The following ST6GALNAC5 variants were observed in gnomAD, a reference collection of about 807,000 sequenced individuals.
ST6GALNAC5 encodes alpha-N-acetylgalactosaminide alpha-2,6-sialyltransferase 5.
A neutral mutation model predicts 33.6 loss-of-function variants in ST6GALNAC5; 27 were observed. The ratio of observed to expected loss-of-function variants is 0.80; its 90% CI spans 0.59 to 1.11. The LOEUF (loss-of-function observed/expected upper bound fraction) is 1.11, where lower values mean the gene tolerates loss of function less well. ST6GALNAC5 is among the 50% of genes least tolerant of loss of function. The pLI is 0.00. For synonymous variants in ST6GALNAC5, 194 were observed against 171.2 expected, an observed-to-expected ratio of 1.13 and a Z score of -1.04; for missense variants, 428 against 454.0, an observed-to-expected ratio of 0.94 and a Z score of 0.52.
chr1:76,871,481 T>G (rs1653501499), intron 2 of ST6GALNAC5: 1 of 152,234 alleles, frequency 6.6e-6, no homozygotes, highest in Non-Finnish European at 1.5e-5. Flanking sequence ...AGTTACATGA[T>G]GTTGTTAACA....
At chr1:76,989,877 C>T (rs1278456573) in intron 2 of ST6GALNAC5, among the ~76,000 whole-genome samples, 1 of 152,148 alleles carries the variant, frequency 6.6e-6, no homozygotes, top group Non-Finnish European at 1.5e-5. Flanking sequence ...ACATACCCAT[C>T]ACTTGCGGGA....
Position 77,003,817 on chromosome 1 carries a change from G to T in ST6GALNAC5, c.262-40387G>T, listed in dbSNP as rs1650274020. On this transcript the variant is annotated intron_variant, in intron 2 of 4. Coordinates refer to ENST00000477717, the MANE Select transcript of ST6GALNAC5 (RefSeq NM_030965.3). The stretch of plus-strand genomic sequence containing the variant: ...TTTTCTTTAAGAATGTTGAATATTG[G>T]CCCCCACTCTCTTCTGGCTTGTAGG... Among the ~76,000 whole-genome samples, 2 of 148,762 alleles carry T rather than the reference G, an allele frequency of 1.3e-5. 1 individual carries two copies. Among genetic ancestry groups the T allele is most frequent in the South Asian group, 4.5e-4 (2 of 4,446 alleles).
chr1:76,940,409 C>A (rs1247680150), intron 2 of ST6GALNAC5, among the ~76,000 whole-genome samples: 1 of 152,056 alleles, frequency 6.6e-6, no homozygotes, highest in Non-Finnish European at 1.5e-5. Flanking sequence ...GGAGCACTGG[C>A]GTGGTACTTG....
intron 2 of ST6GALNAC5, among the ~76,000 whole-genome samples, chr1:76,913,066 C>A (rs539932640): frequency 6.6e-6 from 1 of 152,224 alleles, no homozygotes; most frequent in African/African-American, 2.4e-5. Context: ...CCGTTTGTTC[C>A]TTTCCATGTT....
chr1:77,005,731 A>T (rs562366403), intron 2 of ST6GALNAC5, among the ~76,000 whole-genome samples: 1 of 152,310 alleles, frequency 6.6e-6, no homozygotes, highest in African/African-American at 2.4e-5. Flanking sequence ...AGCCCTTGGT[A>T]ACCACTATTC....
chr1:77,060,329 G>A (rs754406712), intron 4 of ST6GALNAC5: 13 of 152,146 alleles, frequency 8.5e-5, no homozygotes, highest in Non-Finnish European at 1.6e-4. Context: ...AAATTCCGCT[G>A]AGGTTTATTG....
chr1:76,999,274 T>C (rs1650053351), intron 2 of ST6GALNAC5, among the ~76,000 whole-genome samples: 1 of 152,208 alleles, frequency 6.6e-6, no homozygotes, highest in African/African-American at 2.4e-5. Flanking sequence ...ATCCTTTAAA[T>C]GGCCAATATC....
intron 2 of ST6GALNAC5, among the ~76,000 whole-genome samples, chr1:77,004,311 C>T (rs1396688664): frequency 6.8e-5 from 10 of 146,970 alleles, no homozygotes; most frequent in Non-Finnish European, 1.2e-4. Flanking sequence ...GCATTCTTCA[C>T]GTAGTTCTCG....
At chr1:76,943,067 C>G (rs1252595) in intron 2 of ST6GALNAC5, among the ~76,000 whole-genome samples, 86,598 of 151,868 alleles carry the variant, frequency 0.57, 24,915 homozygotes, top group South Asian at 0.61. Flanking sequence ...TTCTTACAGG[C>G]AACTTTTGTC....
chr1:77,067,367 T>C lies in ST6GALNAC5; in HGVS notation c.*4161T>C, dbSNP rs1652813885. 1.3e-5 allele frequency among the ~76,000 whole-genome samples: 2 copies of C among 152,176 alleles called. No homozygotes were observed. The highest frequency in any genetic ancestry group is 6.5e-5 in the Admixed American group (1 of 15,280). The stretch of plus-strand genomic sequence containing the variant: ...TTCTTTCTACTCAGTGCCCTAATAT[T>C]ATATACTACCTTGAATTGTGCTTCG... On this transcript the variant is annotated 3_prime_UTR_variant, in exon 5 of 5. Transcript: ENST00000477717.
chr1:77,042,516 G>A (rs1651864700), intron 2 of ST6GALNAC5, among the ~76,000 whole-genome samples: 2 of 152,192 alleles, frequency 1.3e-5, no homozygotes, highest in South Asian at 2.1e-4. Context: ...CATAAGCCCT[G>A]CATCAATTAT....
At chr1:77,023,034 A>T (rs925003437) in intron 2 of ST6GALNAC5, among the ~76,000 whole-genome samples, 3 of 152,224 alleles carry the variant, frequency 2.0e-5, no homozygotes, top group African/African-American at 4.8e-5. Context: ...CCCTAATTCA[A>T]TATGACTGGT....
In ST6GALNAC5 at chr1:76,888,672, T is replaced by C. The variant is rs116818201; in HGVS notation, c.261+19930T>C. ...ATTTTTTCCCCTTCTTCTTATTCCA[T>C]TTTTAGCCTGTATTAGTTTAAAAAT... On this transcript the variant is annotated intron_variant, in intron 2 of 4. Transcript: ENST00000477717. Among the ~76,000 whole-genome samples, 490 of 152,250 alleles carry C rather than the reference T, an allele frequency of 3.2e-3. 2 individuals are homozygous for C. Among genetic ancestry groups the C allele is most frequent in the African/African-American group, 0.011 (457 of 41,544 alleles).
At position 77,063,351 on chromosome 1, in the gene ST6GALNAC5, T is replaced by G. The variant is rs1228976479; in HGVS notation, c.*145T>G. 1 of 694,740 alleles carries G rather than the reference T, an allele frequency of 1.4e-6. No individual in the cohort carries two copies. The highest frequency in any genetic ancestry group is 2.4e-6 in the Non-Finnish European group (1 of 417,200). The allele number at this position is 694,740 out of a possible 1,614,324, so 43.0% of individuals were successfully genotyped here. ...ACCATGGACAGACGCCTACCAGGGG[T>G]GACAAAGCAGTGCAGTTGGATTGTA... On this transcript the variant is annotated 3_prime_UTR_variant, in exon 5 of 5. Coordinates refer to ENST00000477717, the MANE Select transcript of ST6GALNAC5 (RefSeq NM_030965.3).
At chr1:76,982,912 AG>A (rs955602872) in intron 2 of ST6GALNAC5, among the ~76,000 whole-genome samples, 8 of 152,004 alleles carry the variant, frequency 5.3e-5, no homozygotes, top group Admixed American at 2.0e-4. Context: ...AGCCAAACAA[AG>A]CTTCATACGT....
chr1:76,976,667 C>A (rs1277461508), intron 2 of ST6GALNAC5, among the ~76,000 whole-genome samples: 1 of 152,066 alleles, frequency 6.6e-6, no homozygotes, highest in African/African-American at 2.4e-5. Context: ...TCTATTTTAT[C>A]TAGGTTTTGT....
At chr1:76,962,607 TG>T (rs1213306183) in intron 2 of ST6GALNAC5, among the ~76,000 whole-genome samples, 5 of 152,226 alleles carry the variant, frequency 3.3e-5, no homozygotes, top group African/African-American at 1.2e-4. Flanking sequence ...AAAGTTGCTA[TG>T]TGAGAAGAAA....
chr1:76,957,376 CT>C (rs1055508869), intron 2 of ST6GALNAC5, among the ~76,000 whole-genome samples: 1 of 152,130 alleles, frequency 6.6e-6, no homozygotes, highest in Admixed American at 6.5e-5. Context: ...CTCCTCTCTT[CT>C]TATAAGGAAT....
At chr1:76,877,905 G>T (rs977627480) in intron 2 of ST6GALNAC5, among the ~76,000 whole-genome samples, 4 of 152,236 alleles carry the variant, frequency 2.6e-5, no homozygotes, top group African/African-American at 9.6e-5. Context: ...GGAGAAAAAG[G>T]CATTTGCCGA....
Sources: gnomAD v4.1 joint callset for allele counts (sites outside exome capture counted in the v4.1 genomes callset) on GRCh38, gnomAD v4.1.1 for gene constraint, MANE v1.5 for transcripts, NCBI Gene and HGNC (gene_info 2026-07-23, HGNC 2026-07-21) for gene names.